The following RNF115 variants were observed in gnomAD, a reference collection of about 807,000 sequenced individuals.
RNF115 encodes ring finger protein 115, also known as E3 ubiquitin-protein ligase RNF115.
A neutral mutation model predicts 39.2 loss-of-function variants in RNF115; 31 were observed. The observed-to-expected ratio is 0.79, with a 90% CI of 0.59 to 1.07. RNF115 has a LOEUF of 1.07. RNF115 is among the 50% of genes least tolerant of loss of function. RNF115 has a pLI of 0.00. For synonymous variants in RNF115, 124 were observed against 131.0 expected, an observed-to-expected ratio of 0.95 and a Z score of 0.37; for missense variants, 384 against 381.7, an observed-to-expected ratio of 1.01 and a Z score of -0.05.
chr1:145,761,131 C>T (rs1658486339), intron 4 of RNF115, among the ~76,000 whole-genome samples: 2 of 152,148 alleles, frequency 1.3e-5, no homozygotes, highest in Admixed American at 1.3e-4. Flanking sequence ...CAGGAGGTAA[C>T]TTGGGTGCTG....
At chr1:145,787,141 AT>A in intron 2 of RNF115, 1 of 612,056 alleles carries the variant, frequency 1.6e-6, no homozygotes, top group Non-Finnish European at 2.7e-6. Context: ...GAGGCTTCAG[AT>A]TACAGATTCT....
chr1:145,751,355 T>A (rs1310494884), intron 6 of RNF115, 83 bp downstream of exon 6: 1 of 978,096 alleles, frequency 1.0e-6, no homozygotes, highest in African/African-American at 1.6e-5. Flanking sequence ...GACTGCCATT[T>A]CAGAAAGTAG....
At chr1:145,762,030 C>T (rs587717522) in intron 4 of RNF115, among the ~76,000 whole-genome samples, 2 of 152,172 alleles carry the variant, frequency 1.3e-5, no homozygotes, top group African/African-American at 4.8e-5. Context: ...ATGCATGGGA[C>T]CTGTAACCCC....
At chr1:145,759,591 A>G (rs184309511) in intron 4 of RNF115, among the ~76,000 whole-genome samples, 2 of 152,278 alleles carry the variant, frequency 1.3e-5, no homozygotes, top group Admixed American at 1.3e-4. Flanking sequence ...TCTCTAGCTT[A>G]TATTAATGCA....
chr1:145,766,617 C>CG (rs1647293523), intron 4 of RNF115, among the ~76,000 whole-genome samples: 2 of 145,378 alleles, frequency 1.4e-5, no homozygotes, highest in South Asian at 2.2e-4. Context: ...GCTGGCCGGG[C>CG]GGGGGGCTGA....
At chr1:145,794,455 C>G (rs1216351385) in intron 1 of RNF115, among the ~76,000 whole-genome samples, 1 of 150,184 alleles carries the variant, frequency 6.7e-6, no homozygotes, top group Admixed American at 6.6e-5. Flanking sequence ...GTAACTAGAA[C>G]ACTATTTCCC....
At chr1:145,750,604 T>C (rs1387620874) in intron 6 of RNF115, 104 bp from the exon 7 acceptor site, 4 of 800,116 alleles carry the variant, frequency 5.0e-6, no homozygotes, top group Admixed American at 2.3e-5. Context: ...TTAGGTATGT[T>C]AGTTACTCTT....
At chr1:145,759,956 T>C (rs1201802137) in intron 4 of RNF115, among the ~76,000 whole-genome samples, 1 of 152,178 alleles carries the variant, frequency 6.6e-6, no homozygotes, top group Non-Finnish European at 1.5e-5. Flanking sequence ...ATATTCCCTA[T>C]CTCCCATCCC....
intron 4 of RNF115, among the ~76,000 whole-genome samples, chr1:145,766,453 T>C (rs1301365045): frequency 2.6e-5 from 4 of 152,126 alleles, no homozygotes; most frequent in African/African-American, 4.8e-5. Flanking sequence ...CTTTCCCCGC[T>C]TTCTATTCCA....
intron 1 of RNF115, among the ~76,000 whole-genome samples, chr1:145,814,803 C>T (rs1199716875): frequency 6.6e-6 from 1 of 152,058 alleles, no homozygotes; most frequent in Admixed American, 6.6e-5. Context: ...TATAAGAATA[C>T]ATATTTATTT....
intron 1 of RNF115, among the ~76,000 whole-genome samples, chr1:145,808,017 C>T (rs1326567163): frequency 1.3e-5 from 2 of 151,582 alleles, no homozygotes; most frequent in South Asian, 2.1e-4. Context: ...ACAAATGGCA[C>T]GACTTGATTC....
At chr1:145,771,549 G>A (rs1391773809) in intron 4 of RNF115, among the ~76,000 whole-genome samples, 162 bp downstream of exon 4, 1 of 151,996 alleles carries the variant, frequency 6.6e-6, no homozygotes, top group Non-Finnish European at 1.5e-5. Flanking sequence ...GTTTATCATC[G>A]GGTGAGTACT....
chr1:145,780,618 TAAAAA>T (rs1205816224), intron 3 of RNF115, among the ~76,000 whole-genome samples: 1 of 64,526 alleles, frequency 1.5e-5, no homozygotes, highest in Non-Finnish European at 3.1e-5. Flanking sequence ...AGACTCCGTC[TAAAAA>T]AAAAAAAAAA....
rs1553711545 is a variant in RNF115, at chr1:145,745,272, C to A, written c.*1594G>T. 1 of 152,190 alleles carries A rather than the reference C, an allele frequency of 6.6e-6. No homozygotes were observed. The highest frequency in any genetic ancestry group is 1.5e-5 in the Non-Finnish European group (1 of 68,160). 9.4% of individuals were successfully genotyped at this position (152,190 alleles called of 1,614,324 possible). On this transcript the variant is annotated 3_prime_UTR_variant, in exon 9 of 9. Transcript: ENST00000582693. ...GACCAGCCTGGGCAACACGGCAAAA[C>A]CCTATCTCTACAAAAATACAAAAAT...
chr1:145,766,147 C>T (rs1647267216), intron 4 of RNF115, among the ~76,000 whole-genome samples: 1 of 152,152 alleles, frequency 6.6e-6, no homozygotes, highest in South Asian at 2.1e-4. Context: ...TGCGGCCTTC[C>T]GCAGTGTTTG....
intron 4 of RNF115, among the ~76,000 whole-genome samples, chr1:145,762,573 T>A (rs1444787957): frequency 6.6e-6 from 1 of 152,158 alleles, no homozygotes; most frequent in African/African-American, 2.4e-5. Flanking sequence ...AATTATCATA[T>A]ATATGTATTT....
At chr1:145,752,305 T>A (rs2101465375) in intron 5 of RNF115, among the ~76,000 whole-genome samples, 1 of 152,272 alleles carries the variant, frequency 6.6e-6, no homozygotes, top group African/African-American at 2.4e-5. Flanking sequence ...ATTTCAGAAA[T>A]TCTTAAGGAG....
At chr1:145,750,672 T>A (rs1284540389) in intron 6 of RNF115, among the ~76,000 whole-genome samples, 172 bp from the exon 7 acceptor site, 2 of 152,208 alleles carry the variant, frequency 1.3e-5, no homozygotes, top group Admixed American at 1.3e-4. Context: ...AGAACACTCA[T>A]AATTGCTTTA....
intron 1 of RNF115, among the ~76,000 whole-genome samples, chr1:145,819,424 T>C (rs1305987709): frequency 1.3e-5 from 2 of 151,860 alleles, no homozygotes; most frequent in Admixed American, 6.6e-5. Context: ...TGAACTCCAG[T>C]ATGGGCGACA....
Sources: gnomAD v4.1 joint callset for allele counts (sites outside exome capture counted in the v4.1 genomes callset) on GRCh38, gnomAD v4.1.1 for gene constraint, MANE v1.5 for transcripts, NCBI Gene and HGNC (gene_info 2026-07-23, HGNC 2026-07-21) for gene names.